Variants in ATF7IP observed in about 807,000 individuals in gnomAD.
ATF7IP encodes activating transcription factor 7 interacting protein.
Under a neutral mutation model 106.4 loss-of-function variants are expected in ATF7IP, and 23 were observed. The ratio of observed to expected loss-of-function variants is 0.22; its 90% confidence interval spans 0.16 to 0.31. The LOEUF is 0.31. Among genes scored for constraint, ATF7IP ranks in the 10% least tolerant of loss-of-function variants. ATF7IP has a pLI of 1.00. For missense variants in ATF7IP, 1,334 were observed against 1,524.3 expected, an observed-to-expected ratio of 0.88 and a Z score of 2.08; for synonymous variants, 542 against 539.0, an observed-to-expected ratio of 1.01 and a Z score of -0.08.
chr12:14,416,969 G>A, intron 1 of ATF7IP: 2 of 984,274 alleles, frequency 2.0e-6, no homozygotes, highest in Non-Finnish European at 1.2e-6. Context: ...AAAATTACAA[G>A]GTTCATCTGT....
chr12:14,391,856 G>T (rs1234733731), intron 1 of ATF7IP, among the ~76,000 whole-genome samples: 3 of 152,102 alleles, frequency 2.0e-5, no homozygotes, highest in African/African-American at 4.8e-5. Flanking sequence ...TGAGTAGCTG[G>T]GATTATAGGC....
chr12:14,425,109 T>G lies in ATF7IP; in HGVS notation c.1194T>G (p.Asn398Lys). 1.3e-6 allele frequency: 2 copies of G among 1,588,558 alleles called. No individual in the cohort carries two copies. Among genetic ancestry groups the G allele is most frequent in the Non-Finnish European group, 1.7e-6 (2 of 1,173,160 alleles). The change falls in exon 2 of 15, where the codon AAT becomes AAG. Residue 398 changes from asparagine to lysine, a missense_variant. Coordinates refer to ENST00000261168, the MANE Select transcript of ATF7IP (RefSeq NM_018179.5). ...TGGAAATTGACCAAGGTGAAAAGAA[T>G]GAAGATGAAACTTCTGCAGATCTTG... Reference protein sequence around the residue: ...SSMEIDQGEKNEDETSADLVE... With the variant: ...SSMEIDQGEKKEDETSADLVE...
At chr12:14,441,740 C>T (rs1008769355) in intron 5 of ATF7IP, among the ~76,000 whole-genome samples, 32 of 152,196 alleles carry the variant, frequency 2.1e-4, no homozygotes, top group Non-Finnish European at 3.7e-4. Flanking sequence ...CTGCCCACCT[C>T]GGCCTCCCAA....
intron 8 of ATF7IP, 25 bp downstream of exon 8, chr12:14,457,320 A>G (rs1457364437): frequency 6.7e-7 from 1 of 1,492,414 alleles, no homozygotes; most frequent in Admixed American, 1.9e-5. Flanking sequence ...AAATACCAAA[A>G]TACATTTTCT....
intron 5 of ATF7IP, among the ~76,000 whole-genome samples, chr12:14,445,677 G>C (rs1161387531): frequency 6.6e-6 from 1 of 152,068 alleles, no homozygotes; most frequent in Non-Finnish European, 1.5e-5. Context: ...CATAATATTG[G>C]ACTTAAGCAC....
At chr12:14,386,945 A>C (rs543849983) in intron 1 of ATF7IP, among the ~76,000 whole-genome samples, 37 of 152,272 alleles carry the variant, frequency 2.4e-4, no homozygotes, top group African/African-American at 7.0e-4. Flanking sequence ...GACTTGTCTC[A>C]GCCTTGTGTT....
chr12:14,478,611 G>A, intron 12 of ATF7IP, 139 bp downstream of exon 12: 1 of 940,098 alleles, frequency 1.1e-6, no homozygotes, highest in Non-Finnish European at 1.5e-6. Context: ...TCCTTTTGAA[G>A]GCAGTATAAC....
intron 1 of ATF7IP, among the ~76,000 whole-genome samples, chr12:14,374,378 T>C (rs111869254): frequency 0.012 from 1,787 of 146,722 alleles, 21 homozygotes; most frequent in Middle Eastern, 0.074. Context: ...CCTCCCAAAA[T>C]GTTGGGATTA....
intron 8 of ATF7IP, among the ~76,000 whole-genome samples, chr12:14,459,893 C>CAAGA (rs1943575693): frequency 6.6e-6 from 1 of 152,168 alleles, no homozygotes; most frequent in African/African-American, 2.4e-5. Context: ...CTGTCATCTT[C>CAAGA]GCTCAGTGCT....
chr12:14,417,688 A>G (rs143486422), intron 1 of ATF7IP, among the ~76,000 whole-genome samples: 39 of 152,342 alleles, frequency 2.6e-4, no homozygotes, highest in African/African-American at 9.1e-4. Flanking sequence ...AGCAAATAGC[A>G]TAAAAGATGT....
intron 1 of ATF7IP, among the ~76,000 whole-genome samples, chr12:14,386,107 A>C (rs988543921): frequency 6.6e-6 from 1 of 152,186 alleles, no homozygotes; most frequent in East Asian, 1.9e-4. Flanking sequence ...AATGTATTCA[A>C]ATACCATCAG....
chr12:14,389,323 A>T (rs1939419532), intron 1 of ATF7IP, among the ~76,000 whole-genome samples: 1 of 152,196 alleles, frequency 6.6e-6, no homozygotes, highest in African/African-American at 2.4e-5. Context: ...TTGTGTATGG[A>T]TATGGCAGAT....
At position 14,383,901 on chromosome 12, in the gene ATF7IP, A is replaced by G. The variant is rs189509505; in HGVS notation, c.-8+18074A>G. Among the ~76,000 whole-genome samples the G allele has an allele frequency of 1.1e-3, 165 of 152,172 alleles. 1 individual carries two copies. The highest frequency in any genetic ancestry group is 5.2e-3 in the Admixed American group (80 of 15,274). On this transcript the variant is annotated intron_variant, in intron 1 of 14. Transcript: ENST00000261168. ...AATGAATAGTCTTTGCTTGAGAATC[A>G]CAGTTGTATTTTTAAAGAATTAATA...
intron 1 of ATF7IP, chr12:14,385,105 C>T (rs1272183214): frequency 5.8e-6 from 2 of 342,628 alleles, no homozygotes; most frequent in African/African-American, 4.2e-5. Context: ...TGGCTTGCTG[C>T]CTTCTGTTTT....
At chr12:14,371,529 T>C (rs1938532675) in intron 1 of ATF7IP, among the ~76,000 whole-genome samples, 1 of 152,066 alleles carries the variant, frequency 6.6e-6, no homozygotes, top group Non-Finnish European at 1.5e-5. Context: ...AGTAAAAAAT[T>C]AGAAGTGCTA....
chr12:14,466,887 T>A (rs1481114482), intron 10 of ATF7IP, among the ~76,000 whole-genome samples: 1 of 152,162 alleles, frequency 6.6e-6, no homozygotes, highest in African/African-American at 2.4e-5. Context: ...CTGTAAAGAT[T>A]GTCTGCAAAA....
At chr12:14,488,944 A>G (rs953329187) in intron 13 of ATF7IP, among the ~76,000 whole-genome samples, 4 of 152,222 alleles carry the variant, frequency 2.6e-5, no homozygotes, top group Non-Finnish European at 5.9e-5. Context: ...GAAGGAGGAA[A>G]TACTCATGAC....
intron 2 of ATF7IP, among the ~76,000 whole-genome samples, chr12:14,428,965 G>A (rs542638772): frequency 1.3e-5 from 2 of 152,238 alleles, no homozygotes; most frequent in South Asian, 4.1e-4. Context: ...GTTTAAAGAG[G>A]ATAGCAAAAT....
intron 9 of ATF7IP, 118 bp downstream of exon 9, chr12:14,461,251 TC>T (rs1943628449): frequency 3.1e-6 from 3 of 960,666 alleles, no homozygotes; most frequent in Middle Eastern, 3.5e-4. Context: ...AATAGAATTT[TC>T]TTGATTATTT....
Sources: gnomAD v4.1 joint callset for allele counts (sites outside exome capture counted in the v4.1 genomes callset) on GRCh38, gnomAD v4.1.1 for gene constraint, MANE v1.5 for transcripts, NCBI Gene and HGNC (gene_info 2026-07-23, HGNC 2026-07-21) for gene names.